ZNF730: variants seen among roughly 807,000 people sequenced by gnomAD.
ZNF730 encodes putative zinc finger protein 730.
A neutral mutation model predicts 12.6 loss-of-function variants in ZNF730; 12 were observed. The ratio of observed to expected loss-of-function variants is 0.95; its 90% CI spans 0.61 to 1.54. The LOEUF (loss-of-function observed/expected upper bound fraction) is 1.54, where lower values mean the gene tolerates loss of function less well. ZNF730 is among the 40% of genes most tolerant of loss of function. The probability of loss-of-function intolerance (pLI) is 0.00; values close to 1 mark genes in which losing one functional copy is unlikely to be tolerated. For missense variants in ZNF730, 643 were observed against 583.5 expected, an observed-to-expected ratio of 1.10 and a Z score of -1.05; for synonymous variants, 194 against 195.8, an observed-to-expected ratio of 0.99 and a Z score of 0.08.
chr19:23,107,915 AT>A (rs1046808578), intron 1 of ZNF730, among the ~76,000 whole-genome samples: 4 of 151,898 alleles, frequency 2.6e-5, no homozygotes, highest in African/African-American at 9.7e-5. Flanking sequence ...AGAGAATGCA[AT>A]TTTTTTGTTG....
chr19:23,121,284 A>G (rs1188953713), intron 1 of ZNF730, among the ~76,000 whole-genome samples: 4 of 152,132 alleles, frequency 2.6e-5, no homozygotes, highest in African/African-American at 4.8e-5. Context: ...AATAGTGTCC[A>G]TGGGGTGTTG....
At chr19:23,132,712 C>T (rs1970760433) in intron 1 of ZNF730, among the ~76,000 whole-genome samples, 1 of 152,088 alleles carries the variant, frequency 6.6e-6, no homozygotes, top group Admixed American at 6.6e-5. Flanking sequence ...TCTGTGTTCT[C>T]CATCAGCTCT....
chr19:23,115,707 T>C (rs8107286), upstream of ZNF730, among the ~76,000 whole-genome samples: 2 of 28,208 alleles, frequency 7.1e-5, no homozygotes, highest in Admixed American at 7.7e-4. Context: ...AGCAGAAGCT[T>C]ACCCCCAGAA....
chr19:23,124,712 T>TG (rs1970641014), intron 1 of ZNF730, among the ~76,000 whole-genome samples: 1 of 152,232 alleles, frequency 6.6e-6, no homozygotes, highest in African/African-American at 2.4e-5. Flanking sequence ...TAATTTTGGT[T>TG]GGTACTCAGA....
At chr19:23,143,165 A>G (rs1053316768) in intron 3 of ZNF730, among the ~76,000 whole-genome samples, 3 of 151,660 alleles carry the variant, frequency 2.0e-5, no homozygotes, top group African/African-American at 7.3e-5. Context: ...AATGGTGTGA[A>G]CCCCGGGAGG....
intron 3 of ZNF730, among the ~76,000 whole-genome samples, chr19:23,143,422 A>G (rs988133729): frequency 6.6e-6 from 1 of 151,114 alleles, no homozygotes; most frequent in South Asian, 2.1e-4. Flanking sequence ...TTATCTTTCA[A>G]ATTTTAGAGA....
At chr19:23,131,871 TC>T (rs1461301112) in intron 1 of ZNF730, among the ~76,000 whole-genome samples, 5 of 152,206 alleles carry the variant, frequency 3.3e-5, no homozygotes, top group Admixed American at 3.3e-4. Context: ...CTAATTAGAA[TC>T]ATGTGACTCT....
chr19:23,112,550 C>T (rs991215710), upstream of ZNF730, among the ~76,000 whole-genome samples: 5 of 151,900 alleles, frequency 3.3e-5, no homozygotes, highest in African/African-American at 1.2e-4. Context: ...AGTGAAACCC[C>T]ATCTCTACTA....
chr19:23,105,291 A>G (rs991831587), intron 1 of ZNF730, among the ~76,000 whole-genome samples: 1 of 151,570 alleles, frequency 6.6e-6, no homozygotes, highest in African/African-American at 2.4e-5. Context: ...TAATTTTTGT[A>G]TTTTTAGTAC....
intron 1 of ZNF730, among the ~76,000 whole-genome samples, chr19:23,078,817 T>G (rs1479643581): frequency 6.6e-6 from 1 of 152,206 alleles, no homozygotes; most frequent in East Asian, 1.9e-4. Flanking sequence ...TATCTTTTTT[T>G]TTTTTGAAAT....
chr19:23,126,226 A>T (rs1228707349), intron 1 of ZNF730, among the ~76,000 whole-genome samples: 1 of 152,238 alleles, frequency 6.6e-6, no homozygotes, highest in Non-Finnish European at 1.5e-5. Context: ...AAACTTCAGA[A>T]ATTATTTAAA....
At chr19:23,126,685 C>T in intron 1 of ZNF730, 1 of 479,326 alleles carries the variant, frequency 2.1e-6, no homozygotes, top group Non-Finnish European at 4.1e-6. Flanking sequence ...CTGAATGCAG[C>T]AATGCTTCTT....
intron 1 of ZNF730, among the ~76,000 whole-genome samples, chr19:23,121,115 G>A (rs1413445134): frequency 2.6e-5 from 4 of 152,162 alleles, no homozygotes; most frequent in East Asian, 3.9e-4. Context: ...TTTTATTTCT[G>A]ATTGTGTGGT....
chr19:23,145,185 T>C (rs1475170757), intron 3 of ZNF730, 86 bp from the exon 4 acceptor site: 37 of 918,940 alleles, frequency 4.0e-5, no homozygotes, highest in Non-Finnish European at 5.5e-5. Flanking sequence ...TATCTTGTTA[T>C]GTAGTTTGTA....
intron 1 of ZNF730, among the ~76,000 whole-genome samples, chr19:23,106,408 A>T (rs1970393151): frequency 6.6e-6 from 1 of 152,192 alleles, no homozygotes; most frequent in East Asian, 1.9e-4. Context: ...CAAAAAAAAT[A>T]CATTGATTTG....
Position 23,095,064 on chromosome 19 carries a change from T to C in ZNF730, c.-94+19677T>C, listed in dbSNP as rs894311222. ...ATCCTGCTGGTGCGATTATGACATA[T>C]GATTTTACCCAGCACCAGAGGGATT... On this transcript the variant is annotated intron_variant, in intron 1 of 2. Transcript: ENST00000593635. 1.4e-5 allele frequency: 4 copies of C among 276,882 alleles called. No individual in the cohort carries two copies. The East Asian group carries it at 2.5e-4, about 17-fold the overall frequency. 17.2% of individuals were successfully genotyped at this position (276,882 alleles called of 1,614,324 possible).
intron 3 of ZNF730, among the ~76,000 whole-genome samples, chr19:23,139,992 CTGTT>C (rs1251793295): frequency 5.3e-5 from 8 of 152,044 alleles, no homozygotes; most frequent in African/African-American, 9.7e-5. Context: ...GTTTGCAACT[CTGTT>C]TGTACATATA....
At chr19:23,129,498 G>A (rs535937316) in intron 1 of ZNF730, among the ~76,000 whole-genome samples, 4 of 151,624 alleles carry the variant, frequency 2.6e-5, no homozygotes, top group African/African-American at 7.3e-5. Flanking sequence ...TTTTGGACTC[G>A]CATGGGGCCA....
chr19:23,142,831 C>G (rs1970943698), intron 3 of ZNF730, among the ~76,000 whole-genome samples: 1 of 150,132 alleles, frequency 6.7e-6, no homozygotes, highest in Admixed American at 6.6e-5. Context: ...CTCTTTTTGT[C>G]TTTCTTTGTG....
Sources: gnomAD v4.1 joint callset for allele counts (sites outside exome capture counted in the v4.1 genomes callset) on GRCh38, gnomAD v4.1.1 for gene constraint, MANE v1.5 for transcripts, NCBI Gene and HGNC (gene_info 2026-07-23, HGNC 2026-07-21) for gene names.